The following RPS6KA2 variants were observed in gnomAD, a reference collection of about 807,000 sequenced individuals.
RPS6KA2 encodes the protein ribosomal protein S6 kinase alpha-2.
A neutral mutation model predicts 91.8 loss-of-function variants in RPS6KA2; 42 were observed. That is an observed-to-expected ratio of 0.46 (90% confidence interval 0.36 to 0.59). The LOEUF is 0.59. RPS6KA2 is among the 20% of genes least tolerant of loss of function. The pLI, the probability that RPS6KA2 is intolerant of heterozygous loss-of-function variation, is 0.00. For synonymous variants in RPS6KA2, 414 were observed against 393.6 expected, an observed-to-expected ratio of 1.05 and a Z score of -0.61; for missense variants, 798 against 978.5, an observed-to-expected ratio of 0.82 and a Z score of 2.46.
chr6:166,577,493 G>A (rs1784871715), intron 1 of RPS6KA2, among the ~76,000 whole-genome samples: 1 of 152,224 alleles, frequency 6.6e-6, no homozygotes, highest in Non-Finnish European at 1.5e-5. Context: ...GAAGTGAGAT[G>A]TGGAGTCAAT....
intron 1 of RPS6KA2, among the ~76,000 whole-genome samples, chr6:166,614,249 T>C (rs151310263): frequency 2.6e-4 from 39 of 152,370 alleles, no homozygotes; most frequent in Non-Finnish European, 4.6e-4. Context: ...TAGACAGATA[T>C]AGATGCAGCC....
chr6:166,448,545 C>T lies in RPS6KA2; in HGVS notation c.1332+179G>A, dbSNP rs114311427. ...CTGCTGGAGTCACTGCACAGCTGAGCACGTGAGCACATATGCTGTGCTCCT... is the reference window on the plus strand; with the variant it reads ...CTGCTGGAGTCACTGCACAGCTGAGTACGTGAGCACATATGCTGTGCTCCT... On this transcript the variant is annotated intron_variant, in intron 14 of 20. Transcript: ENST00000265678. The surrounding 1 kb of genome is among the most constrained non-coding windows in gnomAD (Gnocchi z 4.7). Among the ~76,000 whole-genome samples the T allele has an allele frequency of 1.3e-3, 191 of 152,352 alleles. No individual in the cohort carries two copies. Among genetic ancestry groups the T allele is most frequent in the African/African-American group, 4.5e-3 (185 of 41,572 alleles).
chr6:166,508,148 G>C lies in RPS6KA2; in HGVS notation c.459+55C>G. ...AATGCTCTCCACCCCTCCTCCCCTC[G>C]AGTCCCAGACAGAAGCTCCTGCCCG... On this transcript the variant is annotated intron_variant, in intron 5 of 20. Coordinates refer to ENST00000265678, the MANE Select transcript of RPS6KA2 (RefSeq NM_021135.6). This position sits in a 1 kb window ranked among gnomAD's most constrained non-coding sequence, Gnocchi z 4.3. The C allele has an allele frequency of 2.6e-6, 3 of 1,163,152 alleles. No homozygotes were observed. The highest frequency in any genetic ancestry group is 2.6e-6 in the Non-Finnish European group (2 of 779,586). The allele number at this position is 1,163,152 out of a possible 1,614,324, so 72.1% of individuals were successfully genotyped here.
At chr6:166,686,417 T>C (rs1789018399) in intron 2 of RPS6KA2, among the ~76,000 whole-genome samples, 2 of 152,156 alleles carry the variant, frequency 1.3e-5, no homozygotes, top group Admixed American at 1.3e-4. Context: ...GAACAAGCCC[T>C]GAAATCCAAG....
At chr6:166,456,399 G>A (rs1274137287) in intron 12 of RPS6KA2, among the ~76,000 whole-genome samples, 1 of 152,224 alleles carries the variant, frequency 6.6e-6, no homozygotes, top group East Asian at 1.9e-4. Context: ...CAGATAAAAG[G>A]AGATGTAGAA....
At chr6:166,697,378 G>T (rs1789389048) in intron 2 of RPS6KA2, among the ~76,000 whole-genome samples, 1 of 152,220 alleles carries the variant, frequency 6.6e-6, no homozygotes, top group Admixed American at 6.5e-5. Context: ...GCTGGAGATG[G>T]AGACTACATT....
intron 1 of RPS6KA2, among the ~76,000 whole-genome samples, chr6:166,569,886 C>T (rs558349548): frequency 4.2e-4 from 64 of 152,342 alleles, no homozygotes; most frequent in African/African-American, 1.5e-3. Context: ...CTGAAACTTA[C>T]ATCCCAATTC....
rs1289152813 is a variant in RPS6KA2, at chr6:166,732,555, A to G, written c.123+125645T>C. On this transcript the variant is annotated intron_variant, in intron 2 of 21. Transcript: ENST00000503859. This position sits in a 1 kb window ranked among gnomAD's most constrained non-coding sequence, Gnocchi z 4.0. Reference sequence around the variant, plus strand: ...TATGGGAGTTCACATGATTTGAAAAACAGATGCCCACTCCAAGTCCATTCA... The same window carrying G: ...TATGGGAGTTCACATGATTTGAAAAGCAGATGCCCACTCCAAGTCCATTCA... Among the ~76,000 whole-genome samples the G allele has an allele frequency of 6.6e-6, 1 of 152,216 alleles. No homozygotes were observed. The highest frequency in any genetic ancestry group is 2.4e-5 in the African/African-American group (1 of 41,450).
chr6:166,571,911 T>C (rs1485062130), intron 1 of RPS6KA2, among the ~76,000 whole-genome samples: 1 of 152,210 alleles, frequency 6.6e-6, no homozygotes, highest in Non-Finnish European at 1.5e-5. Context: ...TACTTCTGTG[T>C]AAACGTGCCA....
intron 10 of RPS6KA2, among the ~76,000 whole-genome samples, chr6:166,478,950 C>T (rs1045965419): frequency 3.3e-5 from 5 of 152,250 alleles, no homozygotes; most frequent in Admixed American, 1.3e-4. Context: ...CAGGCCCACA[C>T]GGCCAGGAAG....
intron 19 of RPS6KA2, among the ~76,000 whole-genome samples, chr6:166,414,143 G>A (rs1306918821): frequency 6.6e-6 from 1 of 152,212 alleles, no homozygotes; most frequent in South Asian, 2.1e-4. Flanking sequence ...GAAGTTCACT[G>A]AAGGTTTATC....
intron 2 of RPS6KA2, among the ~76,000 whole-genome samples, chr6:166,773,548 CCCA>C (rs1416496968): frequency 6.6e-6 from 1 of 151,908 alleles, no homozygotes; most frequent in African/African-American, 2.4e-5. Context: ...ATTACAGGCG[CCCA>C]CCACCACACC....
intron 2 of RPS6KA2, among the ~76,000 whole-genome samples, chr6:166,838,147 C>T (rs76670135): frequency 0.013 from 1,987 of 152,318 alleles, 44 homozygotes; most frequent in African/African-American, 0.045. Flanking sequence ...CTGTACCAGC[C>T]GGTCAGCGGC....
intron 2 of RPS6KA2, among the ~76,000 whole-genome samples, chr6:166,803,739 G>A (rs906126590): frequency 6.6e-6 from 1 of 152,186 alleles, no homozygotes; most frequent in African/African-American, 2.4e-5. Flanking sequence ...CAGTCGCCAT[G>A]GAGCGAAAGA....
intron 1 of RPS6KA2, among the ~76,000 whole-genome samples, chr6:166,595,620 A>G (rs770887053): frequency 6.6e-6 from 1 of 152,228 alleles, no homozygotes; most frequent in Non-Finnish European, 1.5e-5. Context: ...ATTTTTATGC[A>G]TTAGTAACCT....
intron 1 of RPS6KA2, among the ~76,000 whole-genome samples, chr6:166,545,413 C>T (rs1783794313): frequency 6.6e-6 from 1 of 152,186 alleles, no homozygotes; most frequent in Non-Finnish European, 1.5e-5. Context: ...CTCCTTTCCT[C>T]TTTGGGGAGA....
Position 166,437,748 on chromosome 6 carries a change from C to A in RPS6KA2, c.1333-5258G>T, listed in dbSNP as rs553447016. On this transcript the variant is annotated intron_variant, in intron 14 of 20. Coordinates refer to ENST00000265678, the MANE Select transcript of RPS6KA2 (RefSeq NM_021135.6). This position sits in a 1 kb window ranked among gnomAD's most constrained non-coding sequence, Gnocchi z 4.3. ...AGCACGGACACATGCAGCCATGTGC[C>A]AAACAAACACTGCCATTCCTGCTGG... Among the ~76,000 whole-genome samples, 16 of 152,238 alleles carry A rather than the reference C, an allele frequency of 1.1e-4. No individual in the cohort carries two copies. The highest frequency in any genetic ancestry group is 1.6e-4 in the Non-Finnish European group (11 of 68,036).
chr6:166,654,381 C>T (rs935213760), intron 2 of RPS6KA2, among the ~76,000 whole-genome samples: 5 of 152,056 alleles, frequency 3.3e-5, no homozygotes, highest in African/African-American at 4.8e-5. Flanking sequence ...GGGCACGGGC[C>T]CCACTGCCGG....
chr6:166,748,490 G>A (rs892441812), intron 2 of RPS6KA2, among the ~76,000 whole-genome samples: 3 of 151,306 alleles, frequency 2.0e-5, no homozygotes, highest in Admixed American at 2.0e-4. Flanking sequence ...GAGGATGCTG[G>A]GCAGAGGGGG....
Sources: allele counts gnomAD v4.1 joint callset (sites outside exome capture counted in the v4.1 genomes callset), GRCh38; gene constraint gnomAD v4.1.1; non-coding constraint Gnocchi (gnomAD v3.1); transcripts MANE v1.5; gene names NCBI Gene and HGNC (gene_info 2026-07-23, HGNC 2026-07-21).